Variants in GALNTL6 observed in about 807,000 individuals in gnomAD.
The protein encoded by GALNTL6 is polypeptide N-acetylgalactosaminyltransferase-like 6.
GALNTL6 carries 46 observed loss-of-function variants against 73.7 expected under a neutral mutation model. The ratio of observed to expected loss-of-function variants is 0.62; its 90% CI spans 0.49 to 0.80. The LOEUF (loss-of-function observed/expected upper bound fraction) is 0.80, where lower values mean the gene tolerates loss of function less well. Among genes scored for constraint, GALNTL6 ranks in the 30% least tolerant of loss-of-function variants. The pLI is 0.00. For missense variants in GALNTL6, 604 were observed against 755.0 expected (o/e 0.80, Z 2.34); for synonymous variants, 259 against 263.7 (o/e 0.98, Z 0.17).
At chr4:172,066,990 TCTGC>T (rs780035970) in intron 2 of GALNTL6, among the ~76,000 whole-genome samples, 49 of 152,184 alleles carry the variant, frequency 3.2e-4, no homozygotes, top group South Asian at 4.1e-4. Flanking sequence ...GATACACCTA[TCTGC>T]CTGCCTTCCT....
intron 2 of GALNTL6, among the ~76,000 whole-genome samples, chr4:171,997,880 G>A (rs1740539613): frequency 6.6e-6 from 1 of 152,114 alleles, no homozygotes; most frequent in Admixed American, 6.6e-5. Context: ...TTAGGAACGT[G>A]TTTCCACACT....
At chr4:171,908,308 C>A (rs944950410) in intron 2 of GALNTL6, among the ~76,000 whole-genome samples, 8 of 151,554 alleles carry the variant, frequency 5.3e-5, no homozygotes, top group African/African-American at 1.9e-4. Context: ...AGAAAAAAAA[C>A]AAACAAACCC....
At chr4:173,013,263 A>C (rs1475679690) in intron 11 of GALNTL6, among the ~76,000 whole-genome samples, 1 of 152,200 alleles carries the variant, frequency 6.6e-6, no homozygotes, top group Non-Finnish European at 1.5e-5. Flanking sequence ...AGAGTGGAAA[A>C]GAACTTTTTT....
At chr4:172,089,721 C>T (rs1208130736) in intron 2 of GALNTL6, among the ~76,000 whole-genome samples, 1 of 152,074 alleles carries the variant, frequency 6.6e-6, no homozygotes, top group Non-Finnish European at 1.5e-5. Flanking sequence ...TGTAATTATA[C>T]TTTAAGTTCT....
At chr4:172,680,657 T>TA (rs1732585753) in intron 5 of GALNTL6, among the ~76,000 whole-genome samples, 1 of 152,134 alleles carries the variant, frequency 6.6e-6, no homozygotes, top group Admixed American at 6.6e-5. Flanking sequence ...GATCCTATTT[T>TA]AAAAAAGCCG....
At chr4:172,106,074 G>C (rs1346128837) in intron 2 of GALNTL6, among the ~76,000 whole-genome samples, 2 of 152,174 alleles carry the variant, frequency 1.3e-5, no homozygotes, top group African/African-American at 4.8e-5. Context: ...GTTAAACACA[G>C]ATGTGACTAA....
intron 5 of GALNTL6, among the ~76,000 whole-genome samples, chr4:172,735,591 G>A (rs1305435226): frequency 2.6e-5 from 4 of 152,162 alleles, no homozygotes; most frequent in Admixed American, 1.3e-4. Flanking sequence ...TGTTAGGAAG[G>A]CATGATTGGT....
At chr4:172,099,623 A>G (rs1732456063) in intron 2 of GALNTL6, among the ~76,000 whole-genome samples, 1 of 152,140 alleles carries the variant, frequency 6.6e-6, no homozygotes, top group Admixed American at 6.6e-5. Flanking sequence ...TTGTGTTCCC[A>G]ACTGTCTTTA....
At chr4:172,631,451 T>A (rs1739393912) in intron 5 of GALNTL6, among the ~76,000 whole-genome samples, 1 of 152,162 alleles carries the variant, frequency 6.6e-6, no homozygotes, top group African/African-American at 2.4e-5. Context: ...GGCCAGTAAT[T>A]TTTTGATGTT....
chr4:172,593,076 C>T (rs1281771495), intron 5 of GALNTL6, among the ~76,000 whole-genome samples: 2 of 152,074 alleles, frequency 1.3e-5, no homozygotes, highest in Non-Finnish European at 2.9e-5. Flanking sequence ...GACAACCCAC[C>T]ACCCACAGGC....
At chr4:172,691,378 A>G (rs549992953) in intron 5 of GALNTL6, among the ~76,000 whole-genome samples, 3 of 152,318 alleles carry the variant, frequency 2.0e-5, no homozygotes, top group African/African-American at 4.8e-5. Context: ...ACCTAATGAT[A>G]TATTTGTCAG....
intron 2 of GALNTL6, among the ~76,000 whole-genome samples, chr4:171,956,853 T>C (rs1382624869): frequency 3.3e-5 from 5 of 152,198 alleles, no homozygotes; most frequent in Admixed American, 6.5e-5. Flanking sequence ...GTTCAAATAT[T>C]ACCACTTCAC....
At chr4:171,905,258 T>G (rs1737238565) in intron 2 of GALNTL6, among the ~76,000 whole-genome samples, 2 of 151,950 alleles carry the variant, frequency 1.3e-5, no homozygotes, top group African/African-American at 2.4e-5. Context: ...CCATCTCACA[T>G]GCAGAGACAC....
intron 5 of GALNTL6, among the ~76,000 whole-genome samples, chr4:172,415,781 A>G (rs1730809111): frequency 6.6e-6 from 1 of 152,108 alleles, no homozygotes; most frequent in African/African-American, 2.4e-5. Context: ...TCGATTGAGC[A>G]AGCAGTGGGT....
chr4:172,260,383 G>A (rs189467125), intron 3 of GALNTL6, among the ~76,000 whole-genome samples: 2 of 151,514 alleles, frequency 1.3e-5, no homozygotes, highest in Non-Finnish European at 3.0e-5. Flanking sequence ...AAGGGATTGA[G>A]TTCTTGATTT....
At position 172,952,137 on chromosome 4, in the gene GALNTL6, C is replaced by T. The variant is rs1183098373; in HGVS notation, c.1250C>T (p.Ala417Val). The change falls in exon 10 of 13, where the codon GCC (alanine) becomes GTC (valine). Residue 417 changes from alanine (A) to valine (V), a missense_variant. Ala to Val is a moderately conservative substitution (Grantham distance 64, BLOSUM62 0). Transcript: ENST00000506823. ...CATCTCTCCACGGGGGACATCTCTG[C>T]CCAGAAGGAGCTGCGCAAGCAGCTC... ...YRHLSTGDIS[A>V]QKELRKQLKC... is the part of the protein sequence containing the mutation. 1 of 1,614,066 alleles carries T rather than the reference C, an allele frequency of 6.2e-7. No homozygotes were observed. Among genetic ancestry groups the T allele is most frequent in the Non-Finnish European group, 8.5e-7 (1 of 1,179,980 alleles).
At chr4:172,918,423 T>G (rs1314373075) in intron 8 of GALNTL6, among the ~76,000 whole-genome samples, 1 of 152,080 alleles carries the variant, frequency 6.6e-6, no homozygotes, top group Non-Finnish European at 1.5e-5. Flanking sequence ...ATAAAGAATT[T>G]GATTTTTATA....
At chr4:172,475,520 T>C (rs1487176508) in intron 5 of GALNTL6, among the ~76,000 whole-genome samples, 1 of 152,138 alleles carries the variant, frequency 6.6e-6, no homozygotes, top group Non-Finnish European at 1.5e-5. Flanking sequence ...TTTTTCCAAG[T>C]GGTTATAAAC....
intron 2 of GALNTL6, among the ~76,000 whole-genome samples, chr4:171,943,970 CT>C (rs1357207321): frequency 6.6e-6 from 1 of 151,812 alleles, no homozygotes; most frequent in Non-Finnish European, 1.5e-5. Context: ...GAACCTAAGC[CT>C]TCTAGAAATT....
Sources: gnomAD v4.1 joint callset for allele counts (sites outside exome capture counted in the v4.1 genomes callset) on GRCh38, gnomAD v4.1.1 for gene constraint, MANE v1.5 for transcripts, NCBI Gene and HGNC (gene_info 2026-07-23, HGNC 2026-07-21) for gene names.